The following IQGAP2 variants were observed in gnomAD, a reference collection of about 807,000 sequenced individuals.
The protein encoded by IQGAP2 is ras GTPase-activating-like protein IQGAP2.
Under a neutral mutation model 201.3 loss-of-function variants are expected in IQGAP2, and 173 were observed. The ratio of observed to expected loss-of-function variants is 0.86; its 90% CI spans 0.76 to 0.98. The LOEUF is 0.98. Ranked by LOEUF, IQGAP2 falls within the 50% of genes least tolerant of loss-of-function variation. The pLI is 0.00. For synonymous variants in IQGAP2, 675 were observed against 673.9 expected (o/e 1.00, Z -0.03); for missense variants, 1,687 against 1,864.8 (o/e 0.90, Z 1.76).
At chr5:76,501,337 G>C (rs1485931277) in intron 2 of IQGAP2, among the ~76,000 whole-genome samples, 2 of 152,060 alleles carry the variant, frequency 1.3e-5, no homozygotes, top group East Asian at 1.9e-4. Context: ...GCTGAGGTGG[G>C]GGGGCATCAC....
chr5:76,429,642 A>ATG (rs1435060602), intron 1 of IQGAP2, among the ~76,000 whole-genome samples: 1 of 145,722 alleles, frequency 6.9e-6, no homozygotes, highest in African/African-American at 2.5e-5. Flanking sequence ...ATATACATAT[A>ATG]TGTATATATA....
intron 1 of IQGAP2, among the ~76,000 whole-genome samples, chr5:76,458,996 T>C (rs1580236906): frequency 6.6e-6 from 1 of 152,092 alleles, no homozygotes; most frequent in Admixed American, 6.5e-5. Flanking sequence ...GGAGGGCATT[T>C]TGAGCTGAGA....
At chr5:76,493,042 G>A (rs902015855) in intron 2 of IQGAP2, among the ~76,000 whole-genome samples, 3 of 152,174 alleles carry the variant, frequency 2.0e-5, no homozygotes, top group African/African-American at 4.8e-5. Context: ...TGCTGCCTGT[G>A]CTGCTCTAGT....
intron 1 of IQGAP2, among the ~76,000 whole-genome samples, chr5:76,448,448 ACT>A (rs1753537575): frequency 6.6e-6 from 1 of 151,870 alleles, no homozygotes; most frequent in Non-Finnish European, 1.5e-5. Flanking sequence ...CCCTTAGATA[ACT>A]CTAACTCCTC....
chr5:76,472,095 C>T (rs926110884), intron 2 of IQGAP2, among the ~76,000 whole-genome samples: 3 of 152,176 alleles, frequency 2.0e-5, no homozygotes, highest in African/African-American at 7.2e-5. Context: ...AGAGCAGGGA[C>T]CCCCTCGCAA....
rs566505116 is a variant in IQGAP2 at position 76,689,230 on chromosome 5, T to TTAAAAAAA, written c.3906-4125_3906-4124insTAAAAAAA. Among the ~76,000 whole-genome samples, 228 of 86,496 alleles carry TTAAAAAAA rather than the reference T, an allele frequency of 2.6e-3. 1 individual carries two copies. Among genetic ancestry groups the TTAAAAAAA allele is most frequent in the Non-Finnish European group, 4.1e-3 (198 of 48,268 alleles). The allele number at this position is 86,496 out of a possible 152,430, so 56.7% of individuals were successfully genotyped here. A position where few individuals can be genotyped will look rare whatever the true frequency, so the allele number is the denominator to read the frequency against. ...TAATACTACCAAGCACAGGGATATT[T>TTAAAAAAA]AAAAAAAAAAAAAAAAAAAAAAAAA... On this transcript the variant is annotated intron_variant, in intron 30 of 35. Coordinates refer to ENST00000274364, the MANE Select transcript of IQGAP2 (RefSeq NM_006633.5).
intron 1 of IQGAP2, among the ~76,000 whole-genome samples, chr5:76,418,044 T>TA (rs1158300168): frequency 6.6e-6 from 1 of 150,854 alleles, no homozygotes; most frequent in African/African-American, 2.4e-5. Flanking sequence ...CTGTCTCTAC[T>TA]AAAAATAAAA....
At chr5:76,507,481 G>A (rs1757672038) in intron 2 of IQGAP2, among the ~76,000 whole-genome samples, 1 of 152,058 alleles carries the variant, frequency 6.6e-6, no homozygotes, top group African/African-American at 2.4e-5. Context: ...TGTAGGTTTG[G>A]CATTGACGTT....
rs192584923 is a variant in IQGAP2 at position 76,587,738 on chromosome 5, T to C, written c.459-1168T>C. 8.2e-3 allele frequency among the ~76,000 whole-genome samples: 1,246 copies of C among 151,918 alleles called. 28 individuals carry two copies. Among genetic ancestry groups the C allele is most frequent in the African/African-American group, 0.029 (1,188 of 41,404 alleles). On this transcript the variant is annotated intron_variant, in intron 5 of 35. Transcript: ENST00000274364. Reference sequence around the variant, plus strand: ...GTGGCAGAGGTGGGTGGTCAGGAGTTCGAGACCAGCCTAGCCAACATGGTG... The same window carrying C: ...GTGGCAGAGGTGGGTGGTCAGGAGTCCGAGACCAGCCTAGCCAACATGGTG...
chr5:76,404,106 G>A (rs115165056), intron 1 of IQGAP2, among the ~76,000 whole-genome samples: 2,670 of 152,182 alleles, frequency 0.018, 94 homozygotes, highest in African/African-American at 0.06. Flanking sequence ...CCGCGCCCTC[G>A]AACTTCACCT....
At chr5:76,468,809 C>T (rs144933200) in intron 2 of IQGAP2, among the ~76,000 whole-genome samples, 216 of 152,296 alleles carry the variant, frequency 1.4e-3, no homozygotes, top group Non-Finnish European at 2.6e-3. Context: ...ATGTGCTATT[C>T]GCTTTTCATA....
chr5:76,637,600 G>A (rs775071285), intron 16 of IQGAP2, among the ~76,000 whole-genome samples: 2 of 152,204 alleles, frequency 1.3e-5, no homozygotes, highest in Non-Finnish European at 2.9e-5. Flanking sequence ...AAGTGCTGGA[G>A]AGGGCATCTC....
At chr5:76,643,338 C>CA (rs1359900453) in intron 17 of IQGAP2, among the ~76,000 whole-genome samples, 3 of 152,138 alleles carry the variant, frequency 2.0e-5, no homozygotes, top group African/African-American at 7.2e-5. Flanking sequence ...GGAGCAGACA[C>CA]AAAAAACTTC....
At chr5:76,702,798 C>G (rs1241660861) in intron 35 of IQGAP2, among the ~76,000 whole-genome samples, 1 of 133,680 alleles carries the variant, frequency 7.5e-6, no homozygotes, top group African/African-American at 2.7e-5. Context: ...AGCTGGCAAA[C>G]CATAGCAGTC....
At chr5:76,643,734 TA>T (rs1248446874) in intron 17 of IQGAP2, among the ~76,000 whole-genome samples, 1 of 152,144 alleles carries the variant, frequency 6.6e-6, no homozygotes, top group African/African-American at 2.4e-5. Flanking sequence ...CCCTGAGAAT[TA>T]ATGAATTATT....
Position 76,635,087 on chromosome 5 carries a change from A to C in IQGAP2, c.1781-1947A>C, listed in dbSNP as rs77832304. ...CTTCTAATGCCATTCAGATCTCTTCATCAGGAATTACTGTAATGTCCCCTG... is the reference window on the plus strand; with the variant it reads ...CTTCTAATGCCATTCAGATCTCTTCCTCAGGAATTACTGTAATGTCCCCTG... On this transcript the variant is annotated intron_variant, in intron 15 of 35. Transcript: ENST00000274364. Among the ~76,000 whole-genome samples, 1,204 of 152,326 alleles carry C rather than the reference A, an allele frequency of 7.9e-3. 15 individuals carry two copies. Among genetic ancestry groups the C allele is most frequent in the African/African-American group, 0.027 (1,130 of 41,584 alleles).
intron 22 of IQGAP2, 120 bp from the exon 23 acceptor site, chr5:76,668,561 C>A: frequency 1.3e-6 from 1 of 744,330 alleles, no homozygotes; most frequent in Non-Finnish European, 2.2e-6. Flanking sequence ...CATCTATATG[C>A]TTTTAGTGAC....
intron 2 of IQGAP2, among the ~76,000 whole-genome samples, chr5:76,495,844 G>A (rs987376636): frequency 2.0e-5 from 3 of 152,146 alleles, no homozygotes; most frequent in African/African-American, 7.2e-5. Context: ...CAAGGGGATG[G>A]CACAAAGCCA....
At chr5:76,561,385 A>G (rs1022877256) in intron 2 of IQGAP2, among the ~76,000 whole-genome samples, 3 of 152,228 alleles carry the variant, frequency 2.0e-5, no homozygotes, top group African/African-American at 7.2e-5. Context: ...GGTTGGGATC[A>G]GTTGTTAATA....
Sources: allele counts gnomAD v4.1 joint callset (sites outside exome capture counted in the v4.1 genomes callset), GRCh38; gene constraint gnomAD v4.1.1; transcripts MANE v1.5; gene names NCBI Gene and HGNC (gene_info 2026-07-23, HGNC 2026-07-21).